PTPRD: variants seen among roughly 807,000 people sequenced by gnomAD.
PTPRD encodes the protein receptor-type tyrosine-protein phosphatase delta.
PTPRD carries 34 observed loss-of-function variants against 214.5 expected under a neutral mutation model. That is an observed-to-expected ratio of 0.16 (90% CI 0.12 to 0.21). PTPRD has a LOEUF of 0.21. PTPRD is among the 10% of genes least tolerant of loss of function. PTPRD has a pLI of 1.00. For missense variants in PTPRD, 2,545 were observed against 2,398.7 expected (o/e 1.06, Z -1.27); for synonymous variants, 1,128 against 845.7 (o/e 1.33, Z -5.79).
chr9:8,957,777 T>TG (rs1290937301), intron 11 of PTPRD, among the ~76,000 whole-genome samples: 10 of 151,880 alleles, frequency 6.6e-5, no homozygotes, highest in Non-Finnish European at 1.0e-4. Context: ...TGATCTCATA[T>TG]CTTAGTGGCC....
intron 12 of PTPRD, among the ~76,000 whole-genome samples, chr9:8,706,897 C>A (rs564561971): frequency 6.6e-6 from 1 of 152,180 alleles, no homozygotes. Flanking sequence ...TCCTCCCGTG[C>A]CACTGTCCCC....
rs113573567 is a variant in PTPRD at position 8,499,756 on chromosome 9, T to C, written c.2213A>G (p.Asn738Ser). 2.5e-5 allele frequency: 40 copies of C among 1,614,052 alleles called. No individual in the cohort carries two copies. Among genetic ancestry groups the C allele is most frequent in the African/African-American group, 1.7e-4 (13 of 74,922 alleles). The change falls in exon 25 of 46, where the codon AAT (asparagine) becomes AGT (serine). Residue 738 changes from asparagine to serine, a missense_variant. By Grantham distance (46) the Asn-to-Ser change is conservative (BLOSUM62 1). Transcript: ENST00000381196. The stretch of plus-strand genomic sequence containing the variant: ...TCCTCTTATCTGGCCATGCTGTTTA[T>C]TGGGCACGGGTGAGCGCCATGAGAC... ...VKVSWRSPVP[N>S]KQHGQIRGYQ...
chr9:10,337,483 C>A (rs2096864035), intron 3 of PTPRD, among the ~76,000 whole-genome samples: 1 of 151,526 alleles, frequency 6.6e-6, no homozygotes, highest in Admixed American at 6.6e-5. Flanking sequence ...TTTAATAGGT[C>A]CTAAAGAAAT....
intron 12 of PTPRD, among the ~76,000 whole-genome samples, chr9:8,661,349 T>C (rs116863864): frequency 0.028 from 4,290 of 152,130 alleles, 121 homozygotes; most frequent in Non-Finnish European, 0.04. Context: ...AATCAGTCTC[T>C]TATTTCTCAT....
chr9:10,125,455 T>TATTATC (rs2098810497), intron 3 of PTPRD, among the ~76,000 whole-genome samples: 1 of 121,274 alleles, frequency 8.2e-6, no homozygotes. Context: ...TTATTATTAT[T>TATTATC]ATTATTATTA....
intron 7 of PTPRD, among the ~76,000 whole-genome samples, chr9:9,609,025 G>A (rs920277760): frequency 1.1e-4 from 17 of 152,038 alleles, no homozygotes; most frequent in African/African-American, 3.9e-4. Flanking sequence ...AATTCAAAAT[G>A]TATTATGTAT....
intron 2 of PTPRD, among the ~76,000 whole-genome samples, chr9:10,437,863 G>A (rs116038166): frequency 1.3e-3 from 193 of 150,736 alleles, no homozygotes; most frequent in African/African-American, 4.6e-3. Context: ...GGCCCATATA[G>A]TGTCAGTAGA....
At chr9:10,310,717 T>TTGG (rs2096245524) in intron 3 of PTPRD, among the ~76,000 whole-genome samples, 1 of 152,124 alleles carries the variant, frequency 6.6e-6, no homozygotes, top group Non-Finnish European at 1.5e-5. Context: ...TGATAAGCCT[T>TTGG]TGGTATATGT....
chr9:10,574,443 T>C (rs2068502153), intron 2 of PTPRD, among the ~76,000 whole-genome samples: 1 of 152,008 alleles, frequency 6.6e-6, no homozygotes, highest in Admixed American at 6.6e-5. Context: ...CAGGTATAAT[T>C]CCAAATCTGT....
intron 35 of PTPRD, among the ~76,000 whole-genome samples, chr9:8,409,880 C>T (rs182043085): frequency 6.6e-6 from 1 of 152,158 alleles, no homozygotes; most frequent in African/African-American, 2.4e-5. Flanking sequence ...AACCATGGGT[C>T]AGACTAACCA....
At chr9:8,487,743 G>T (rs548020715) in intron 27 of PTPRD, among the ~76,000 whole-genome samples, 1 of 152,312 alleles carries the variant, frequency 6.6e-6, no homozygotes, top group Admixed American at 6.5e-5. Context: ...CCGGGAGGCA[G>T]AGGTTGCAGT....
intron 8 of PTPRD, among the ~76,000 whole-genome samples, chr9:9,461,668 A>G (rs979381704): frequency 6.6e-6 from 1 of 152,144 alleles, no homozygotes; most frequent in Admixed American, 6.6e-5. Context: ...GTAAGTCTGC[A>G]TTATTCCTAG....
intron 4 of PTPRD, among the ~76,000 whole-genome samples, chr9:9,960,647 A>G (rs1385897303): frequency 3.3e-5 from 5 of 152,152 alleles, no homozygotes; most frequent in African/African-American, 4.8e-5. Context: ...TCTTACGTAG[A>G]GAAAAACAGG....
chr9:10,573,080 T>G (rs1055555961), intron 2 of PTPRD, among the ~76,000 whole-genome samples: 1 of 152,072 alleles, frequency 6.6e-6, no homozygotes, highest in African/African-American at 2.4e-5. Flanking sequence ...CCAACAGAAT[T>G]AGCAGATACC....
chr9:10,055,612 A>G (rs1337252858), intron 3 of PTPRD, among the ~76,000 whole-genome samples: 3 of 152,002 alleles, frequency 2.0e-5, no homozygotes, highest in African/African-American at 4.8e-5. Context: ...AATTATCACA[A>G]TATCTGAGAT....
chr9:8,464,814 G>C (rs2096509692), intron 32 of PTPRD, among the ~76,000 whole-genome samples: 1 of 150,732 alleles, frequency 6.6e-6, no homozygotes, highest in African/African-American at 2.5e-5. Flanking sequence ...GAATACCTTA[G>C]GAATTCTCTC....
intron 3 of PTPRD, among the ~76,000 whole-genome samples, chr9:10,093,642 C>A (rs2098454649): frequency 6.6e-6 from 1 of 151,466 alleles, no homozygotes; most frequent in Admixed American, 6.6e-5. Context: ...CATATGTATT[C>A]ATAAGTTCAT....
intron 3 of PTPRD, among the ~76,000 whole-genome samples, chr9:10,315,217 T>A (rs2096389370): frequency 6.6e-6 from 1 of 151,948 alleles, no homozygotes; most frequent in South Asian, 2.1e-4. Flanking sequence ...GCTTTCAGTT[T>A]CATCTCTAAA....
rs930189977 is a variant in PTPRD at position 10,324,882 on chromosome 9, T to C, written c.-545+16081A>G. Among the ~76,000 whole-genome samples, 5 of 152,174 alleles carry C rather than the reference T, an allele frequency of 3.3e-5. No individual in the cohort carries two copies. The East Asian group carries it at 9.7e-4, about 30-fold the overall frequency. On this transcript the variant is annotated intron_variant, in intron 3 of 45. Coordinates refer to ENST00000381196, the MANE Select transcript of PTPRD (RefSeq NM_002839.4). ...GGAACTAATTTAACAATCAAATGTATAAGTCAACAAAGCAAATCAAAATTT... is the reference window on the plus strand; with the variant it reads ...GGAACTAATTTAACAATCAAATGTACAAGTCAACAAAGCAAATCAAAATTT...
Sources: gnomAD v4.1 joint callset for allele counts (sites outside exome capture counted in the v4.1 genomes callset) on GRCh38, gnomAD v4.1.1 for gene constraint, MANE v1.5 for transcripts, NCBI Gene and HGNC (gene_info 2026-07-23, HGNC 2026-07-21) for gene names.